Variants in VAV2 observed in about 807,000 individuals in gnomAD.
VAV2 encodes the protein vav guanine nucleotide exchange factor 2.
VAV2 carries 67 observed loss-of-function variants against 132.5 expected under a neutral mutation model. The observed-to-expected ratio is 0.51, with a 90% CI of 0.42 to 0.62. The LOEUF (loss-of-function observed/expected upper bound fraction) is 0.62. Among genes scored for constraint, VAV2 ranks in the 20% least tolerant of loss-of-function variants. The probability of loss-of-function intolerance (pLI) is 0.00; values close to 1 mark genes in which losing one functional copy is unlikely to be tolerated. For missense variants in VAV2, 938 were observed against 1,153.6 expected (o/e 0.81, Z 2.71); for synonymous variants, 492 against 443.5 (o/e 1.11, Z -1.37).
intron 8 of VAV2, among the ~76,000 whole-genome samples, chr9:133,806,736 G>A (rs1369669922): frequency 3.3e-5 from 5 of 152,212 alleles, no homozygotes; most frequent in African/African-American, 4.8e-5. Flanking sequence ...GCCACCGCAC[G>A]GGCTGCTGGC....
chr9:133,787,542 G>A (rs1250170068), intron 15 of VAV2, among the ~76,000 whole-genome samples: 1 of 152,186 alleles, frequency 6.6e-6, no homozygotes. Context: ...TGCTGGGTCT[G>A]GACGAGGGCT....
chr9:133,801,330 C>G, intron 9 of VAV2, among the ~76,000 whole-genome samples: 1 of 152,262 alleles, frequency 6.6e-6, no homozygotes, highest in East Asian at 1.9e-4. Flanking sequence ...AGAAACACCA[C>G]TGTCACCACA....
intron 1 of VAV2, among the ~76,000 whole-genome samples, chr9:133,953,294 G>A (rs956991608): frequency 6.6e-6 from 1 of 152,246 alleles, no homozygotes; most frequent in Non-Finnish European, 1.5e-5. Context: ...CTGTGCCCTT[G>A]GCGCTGTGCC....
chr9:133,780,397 G>A (rs928581444), intron 20 of VAV2, among the ~76,000 whole-genome samples: 1 of 152,210 alleles, frequency 6.6e-6, no homozygotes, highest in African/African-American at 2.4e-5. Context: ...CCAACTGGGG[G>A]ACTCGGGGGC....
chr9:133,895,901 C>A (rs1839179975), intron 2 of VAV2, among the ~76,000 whole-genome samples: 1 of 150,994 alleles, frequency 6.6e-6, no homozygotes, highest in African/African-American at 2.4e-5. Flanking sequence ...GGTTCTCGGC[C>A]TTCTTAATTG....
intron 2 of VAV2, among the ~76,000 whole-genome samples, chr9:133,887,247 C>A (rs1838748461): frequency 6.6e-6 from 1 of 152,162 alleles, no homozygotes; most frequent in African/African-American, 2.4e-5. Flanking sequence ...AAGCATAAAA[C>A]CACCCCAGGA....
At chr9:133,970,304 G>A (rs899714374) in intron 1 of VAV2, among the ~76,000 whole-genome samples, 2 of 152,194 alleles carry the variant, frequency 1.3e-5, no homozygotes, top group East Asian at 1.9e-4. Flanking sequence ...ACCCCCGCCC[G>A]CCATGTCTTG....
At chr9:133,917,430 G>GA (rs138413338) in intron 2 of VAV2, among the ~76,000 whole-genome samples, 11,072 of 128,954 alleles carry the variant, frequency 0.086, 746 homozygotes, top group African/African-American at 0.22. Flanking sequence ...GAGAAAAACA[G>GA]AAAACTCTTT....
intron 1 of VAV2, among the ~76,000 whole-genome samples, chr9:133,981,481 G>A (rs908777033): frequency 2.0e-5 from 3 of 152,246 alleles, no homozygotes; most frequent in African/African-American, 7.2e-5. Context: ...AGGGAGGGCA[G>A]GCGGCGGGTG....
At position 133,879,419 on chromosome 9, in the gene VAV2, A is replaced by T. The variant is rs1180322614; in HGVS notation, c.322-17987T>A. On this transcript the variant is annotated intron_variant, in intron 2 of 29. Transcript: ENST00000371850. The surrounding 1 kb of genome is among the most constrained non-coding windows in gnomAD (Gnocchi z 4.4). The stretch of plus-strand genomic sequence containing the variant: ...GGGGCAGGAGATGTCCAGGAATCAG[A>T]GAAGGCCCTCTGGAGGGGCTGCTGT... Among the ~76,000 whole-genome samples the T allele has an allele frequency of 6.6e-6, 1 of 152,112 alleles. No individual in the cohort carries two copies. Among genetic ancestry groups the T allele is most frequent in the Non-Finnish European group, 1.5e-5 (1 of 68,012 alleles).
chr9:133,974,504 C>T (rs72764862), intron 1 of VAV2, among the ~76,000 whole-genome samples: 22,427 of 152,200 alleles, frequency 0.15, 1,770 homozygotes, highest in South Asian at 0.17. Flanking sequence ...CACACACCTG[C>T]ACCCTGTGTC....
intron 3 of VAV2, among the ~76,000 whole-genome samples, chr9:133,851,865 G>A (rs1837190500): frequency 6.9e-6 from 1 of 144,088 alleles, no homozygotes; most frequent in South Asian, 2.2e-4. Context: ...GGATGGATAG[G>A]TGGGTGAATA....
In VAV2 at chr9:133,939,305, C is replaced by T. The variant is rs549022862; in HGVS notation, c.205-86G>A. On this transcript the variant is annotated intron_variant, in intron 1 of 29. Transcript: ENST00000371850. ...AAACCGTAACAGCAACAGCAGCAAG[C>T]TCTGGCTTCCGTGCGCCAGCACATC... The T allele has an allele frequency of 2.9e-4, 349 of 1,204,762 alleles. No individual in the cohort carries two copies. In the African/African-American group the frequency reaches 4.7e-3, roughly 16 times the overall value. 74.6% of individuals were successfully genotyped at this position (1,204,762 alleles called of 1,614,324 possible).
intron 3 of VAV2, among the ~76,000 whole-genome samples, chr9:133,841,553 C>T (rs1251950011): frequency 6.6e-6 from 1 of 152,136 alleles, no homozygotes; most frequent in Non-Finnish European, 1.5e-5. Flanking sequence ...TGAGTGTCCA[C>T]AAACAGCCCT....
At chr9:133,781,056 C>T (rs868289405) in intron 19 of VAV2, among the ~76,000 whole-genome samples, 15 of 152,212 alleles carry the variant, frequency 9.9e-5, no homozygotes, top group Non-Finnish European at 8.8e-5. Context: ...GTACCTGGCA[C>T]TCAAAGGGGA....
At chr9:133,831,326 C>T (rs1400858980) in intron 4 of VAV2, among the ~76,000 whole-genome samples, 2 of 152,036 alleles carry the variant, frequency 1.3e-5, no homozygotes, top group Non-Finnish European at 2.9e-5. Context: ...ATCCCAGCTA[C>T]TGGGGAGGCT....
chr9:133,917,139 C>T (rs1021537208), intron 2 of VAV2, among the ~76,000 whole-genome samples: 7 of 151,986 alleles, frequency 4.6e-5, no homozygotes, highest in South Asian at 4.2e-4. Flanking sequence ...CACCCAGAGG[C>T]CTATGACAGC....
intron 3 of VAV2, among the ~76,000 whole-genome samples, chr9:133,860,351 A>G (rs551290799): frequency 6.6e-6 from 1 of 152,176 alleles, no homozygotes; most frequent in Admixed American, 6.5e-5. Flanking sequence ...AAAAACCTCA[A>G]TTCAAAGGAA....
rs551538803 is a variant in VAV2 at position 133,823,081 on chromosome 9, C to T, written c.450-10865G>A. Reference sequence around the variant, plus strand: ...TGTCGAACAGCGTATGGACCTATGGCTCAGATCCTCCAGTATGGGAATCGT... The same window carrying T: ...TGTCGAACAGCGTATGGACCTATGGTTCAGATCCTCCAGTATGGGAATCGT... On this transcript the variant is annotated intron_variant, in intron 4 of 29. Coordinates refer to ENST00000371850, the MANE Select transcript of VAV2 (RefSeq NM_001134398.2). This position sits in a 1 kb window ranked among gnomAD's most constrained non-coding sequence, Gnocchi z 5.5. 9.8e-5 allele frequency among the ~76,000 whole-genome samples: 15 copies of T among 152,320 alleles called. No homozygotes were observed. In the South Asian group the frequency reaches 2.9e-3, roughly 29 times the overall value.
Sources: allele counts gnomAD v4.1 joint callset (sites outside exome capture counted in the v4.1 genomes callset), GRCh38; gene constraint gnomAD v4.1.1; non-coding constraint Gnocchi (gnomAD v3.1); transcripts MANE v1.5; gene names NCBI Gene and HGNC (gene_info 2026-07-23, HGNC 2026-07-21).